The following MTMR2 variants were observed in gnomAD, a reference collection of about 807,000 sequenced individuals.
MTMR2 encodes phosphatidylinositol-3,5-bisphosphate 3-phosphatase MTMR2.
MTMR2 carries 55 observed loss-of-function variants against 86.9 expected under a neutral mutation model. That is an observed-to-expected ratio of 0.63 (90% CI 0.51 to 0.79). The LOEUF is 0.79. Ranked by LOEUF, MTMR2 falls within the 30% of genes least tolerant of loss-of-function variation. The pLI is 0.00. For missense variants in MTMR2, 659 were observed against 772.3 expected, an observed-to-expected ratio of 0.85 and a Z score of 1.74; for synonymous variants, 241 against 266.8, an observed-to-expected ratio of 0.90 and a Z score of 0.94.
At chr11:95,853,129 A>G (rs994024094) in intron 7 of MTMR2, among the ~76,000 whole-genome samples, 13 of 149,538 alleles carry the variant, frequency 8.7e-5, no homozygotes, top group African/African-American at 2.9e-4. Context: ...ATATGTATAT[A>G]TCATATATAT....
intron 1 of MTMR2, chr11:95,908,036 T>C (rs1866349984): frequency 4.8e-6 from 1 of 207,414 alleles, no homozygotes; most frequent in Admixed American, 5.6e-5. Flanking sequence ...AGCATCCAAA[T>C]AAAAAACAGG....
At chr11:95,852,491 C>T (rs559706641) in intron 7 of MTMR2, among the ~76,000 whole-genome samples, 3 of 152,130 alleles carry the variant, frequency 2.0e-5, no homozygotes, top group South Asian at 4.1e-4. Flanking sequence ...CTCTCAATAG[C>T]GCTTCTATTT....
intron 1 of MTMR2, among the ~76,000 whole-genome samples, chr11:95,904,176 T>C: frequency 6.6e-6 from 1 of 152,118 alleles, no homozygotes. Context: ...CATTAAACTC[T>C]ATCTCCTCTT....
intron 2 of MTMR2, among the ~76,000 whole-genome samples, chr11:95,872,539 T>C (rs1170746853): frequency 1.2e-4 from 19 of 152,214 alleles, no homozygotes; most frequent in African/African-American, 4.1e-4. Context: ...TTTCTAGATA[T>C]ACAATCATGT....
Position 95,923,866 on chromosome 11 carries a change from C to T in MTMR2, c.80+9G>A, listed in dbSNP as rs1478505924. ...GGACGCTGGGCGGGGCCCTGGGCGT[C>T]CTGGTTACCTGGACAAGGAGTCCAC... On this transcript the variant is annotated intron_variant, in intron 1 of 14. Transcript: ENST00000346299. The T allele has an allele frequency of 5.9e-6, 9 of 1,536,374 alleles. No homozygotes were observed. The highest frequency in any genetic ancestry group is 7.0e-6 in the Non-Finnish European group (8 of 1,136,324).
intron 7 of MTMR2, among the ~76,000 whole-genome samples, chr11:95,854,766 G>T (rs192509535): frequency 2.7e-4 from 41 of 151,346 alleles, no homozygotes; most frequent in South Asian, 1.0e-3. Flanking sequence ...GTACTGGACT[G>T]CTCATTATCT....
At chr11:95,907,633 A>C (rs1866333355) in intron 1 of MTMR2, among the ~76,000 whole-genome samples, 1 of 152,190 alleles carries the variant, frequency 6.6e-6, no homozygotes, top group African/African-American at 2.4e-5. Flanking sequence ...TAGCAAATCG[A>C]ATCAAGCAGT....
chr11:95,865,748 A>G, intron 2 of MTMR2, 72 bp from the exon 3 acceptor site: 2 of 1,224,868 alleles, frequency 1.6e-6, no homozygotes, highest in Non-Finnish European at 2.4e-6. Flanking sequence ...ATTTCAACTG[A>G]GTATACTTGC....
At chr11:95,842,668 A>G (rs1863596859) in intron 11 of MTMR2, among the ~76,000 whole-genome samples, 1 of 152,198 alleles carries the variant, frequency 6.6e-6, no homozygotes, top group Admixed American at 6.5e-5. Context: ...CTATTTCCAT[A>G]ATATTAAGAC....
At chr11:95,900,733 G>A (rs1591037787) in intron 1 of MTMR2, among the ~76,000 whole-genome samples, 2 of 151,958 alleles carry the variant, frequency 1.3e-5, no homozygotes, top group African/African-American at 2.4e-5. Context: ...GCGTGTGCAC[G>A]CACACACACT....
chr11:95,838,434 T>C (rs1204416742), intron 12 of MTMR2, among the ~76,000 whole-genome samples: 1 of 152,038 alleles, frequency 6.6e-6, no homozygotes, highest in Non-Finnish European at 1.5e-5. Flanking sequence ...TAACCCTAAA[T>C]TTGCAGGCTG....
chr11:95,908,413 C>T (rs1164153410), intron 1 of MTMR2, among the ~76,000 whole-genome samples: 1 of 152,082 alleles, frequency 6.6e-6, no homozygotes, highest in Non-Finnish European at 1.5e-5. Context: ...GATTATACTA[C>T]CCTAAGCAAT....
chr11:95,842,666 A>G (rs1863596737), intron 11 of MTMR2, among the ~76,000 whole-genome samples: 1 of 152,216 alleles, frequency 6.6e-6, no homozygotes, highest in Non-Finnish European at 1.5e-5. Flanking sequence ...AACTATTTCC[A>G]TAATATTAAG....
intron 1 of MTMR2, among the ~76,000 whole-genome samples, chr11:95,892,183 G>A (rs1337412134): frequency 6.6e-6 from 1 of 151,870 alleles, no homozygotes; most frequent in Non-Finnish European, 1.5e-5. Context: ...TATTTTTTAT[G>A]AACTGTTCCA....
At chr11:95,864,841 A>G (rs1864550116) in intron 3 of MTMR2, among the ~76,000 whole-genome samples, 1 of 150,776 alleles carries the variant, frequency 6.6e-6, no homozygotes. Context: ...GCCAAGTAAA[A>G]TTCAGCATTT....
In MTMR2 at chr11:95,887,313, CAAG is replaced by C. The variant is rs149115775; in HGVS notation, c.186+840_186+842del. ...ACATACTGTCCATCAGGTGAGGATA[CAAG>C]AAGACATACCCTCATCAGATAATGG... On this transcript the variant is annotated intron_variant, in intron 2 of 14. Coordinates refer to ENST00000346299, the MANE Select transcript of MTMR2 (RefSeq NM_016156.6). 4.0e-3 allele frequency among the ~76,000 whole-genome samples: 603 copies of C among 152,084 alleles called. 9 individuals are homozygous for C. The highest frequency in any genetic ancestry group is 0.014 in the African/African-American group (576 of 41,494).
intron 2 of MTMR2, among the ~76,000 whole-genome samples, chr11:95,883,557 A>G (rs1186409452): frequency 6.6e-6 from 1 of 152,236 alleles, no homozygotes; most frequent in African/African-American, 2.4e-5. Context: ...AATTCCATTT[A>G]CAAAGCCTGG....
chr11:95,857,820 T>G (rs1276293875), intron 6 of MTMR2, among the ~76,000 whole-genome samples, 185 bp from the exon 7 acceptor site: 1 of 152,168 alleles, frequency 6.6e-6, no homozygotes, highest in Non-Finnish European at 1.5e-5. Context: ...TACATATTTT[T>G]AAGCATACAA....
chr11:95,887,843 C>A (rs1315432058), intron 2 of MTMR2: 2 of 338,114 alleles, frequency 5.9e-6, no homozygotes, highest in Non-Finnish European at 1.1e-5. Flanking sequence ...GCACACAGTA[C>A]ATATTCAATA....
Sources: gnomAD v4.1 joint callset for allele counts (sites outside exome capture counted in the v4.1 genomes callset) on GRCh38, gnomAD v4.1.1 for gene constraint, MANE v1.5 for transcripts, NCBI Gene and HGNC (gene_info 2026-07-23, HGNC 2026-07-21) for gene names.